The following ZNF577 variants were observed in gnomAD, a reference collection of about 807,000 sequenced individuals.
The protein encoded by ZNF577 is zinc finger protein 577.
In ZNF577, 14 loss-of-function variants were observed where a neutral mutation model predicts 13.9. The ratio of observed to expected loss-of-function variants is 1.00; its 90% CI spans 0.66 to 1.57. ZNF577 has a LOEUF of 1.57. Among genes scored for constraint, ZNF577 ranks in the 40% most tolerant of loss-of-function variants. The pLI is 0.00. For synonymous variants in ZNF577, 203 were observed against 202.9 expected (o/e 1.00, Z 0.00); for missense variants, 555 against 579.2 (o/e 0.96, Z 0.43).
chr19:51,846,964 T>C (rs1001693342), intron 5 of ZNF577, among the ~76,000 whole-genome samples: 1 of 152,232 alleles, frequency 6.6e-6, no homozygotes, highest in Non-Finnish European at 1.5e-5. Flanking sequence ...TCAAATGCAC[T>C]ACCTCACTCA....
Position 51,824,480 on chromosome 19 carries a change from T to C in ZNF577, c.*600-12806A>G. 1 of 1,614,078 alleles carries C rather than the reference T, an allele frequency of 6.2e-7. No homozygotes were observed. The highest frequency in any genetic ancestry group is 8.5e-7 in the Non-Finnish European group (1 of 1,180,010). On this transcript the variant is annotated intron_variant and NMD_transcript_variant, in intron 9 of 10. Transcript: ENST00000638827. The surrounding 1 kb of genome is among the most constrained non-coding windows in gnomAD (Gnocchi z 4.7). ...CCAGCCGTCCCTTACGTGTCTTCGC[T>C]GCTGTGGTGGCTTCTTTCTTCATCT...
intron 4 of ZNF577, 82 bp downstream of exon 4, chr19:51,878,307 C>CTA (rs2084799774): frequency 6.9e-7 from 1 of 1,439,144 alleles, no homozygotes; most frequent in African/African-American, 1.4e-5. Context: ...ATACTTTAGT[C>CTA]TAAACCATTA....
chr19:51,817,619 C>T (rs1490282050), intron 9 of ZNF577: 3 of 151,898 alleles, frequency 2.0e-5, no homozygotes, highest in African/African-American at 7.3e-5. Flanking sequence ...TTCTTTAGCC[C>T]TCCTCTCCCT....
intron 9 of ZNF577, among the ~76,000 whole-genome samples, chr19:51,812,237 G>C (rs958402989): frequency 1.3e-5 from 2 of 152,160 alleles, no homozygotes; most frequent in African/African-American, 2.4e-5. Context: ...ATGGCCCAAC[G>C]TAGGGTGAAA....
intron 9 of ZNF577, among the ~76,000 whole-genome samples, chr19:51,812,809 G>A (rs1227530436): frequency 1.3e-5 from 2 of 152,150 alleles, no homozygotes; most frequent in African/African-American, 4.8e-5. Context: ...AATTTATTAT[G>A]CTGGATAATT....
intron 9 of ZNF577, among the ~76,000 whole-genome samples, chr19:51,828,710 A>C (rs781212323): frequency 2.6e-5 from 4 of 152,134 alleles, no homozygotes; most frequent in Non-Finnish European, 5.9e-5. Flanking sequence ...GTCCATGTGG[A>C]TGGCTCACTA....
chr19:51,810,904 C>T (rs2084092093), intron 10 of ZNF577, among the ~76,000 whole-genome samples: 1 of 152,166 alleles, frequency 6.6e-6, no homozygotes, highest in Non-Finnish European at 1.5e-5. Flanking sequence ...CCTAGGGGCT[C>T]TCCAGCTATG....
At chr19:51,839,999 G>A (rs17757075) in exon 9 of ZNF577, 1 of 152,148 alleles carries the variant, frequency 6.6e-6, no homozygotes, top group Non-Finnish European at 1.5e-5. Context: ...TAGCACCTTC[G>A]CGGAACACAA....
At chr19:51,879,263 A>G (rs1201302567) in intron 3 of ZNF577, among the ~76,000 whole-genome samples, 1 of 129,154 alleles carries the variant, frequency 7.7e-6, no homozygotes, top group Non-Finnish European at 1.6e-5. Context: ...TCTCAAGAGG[A>G]AAAAAAAAAA....
chr19:51,877,661 T>C (rs764395555), intron 4 of ZNF577: 10 of 274,976 alleles, frequency 3.6e-5, no homozygotes, highest in Non-Finnish European at 5.5e-5. Context: ...CTGTGTACTC[T>C]TGGTGGGAAT....
At chr19:51,835,140 T>C (rs1040545182) in intron 9 of ZNF577, among the ~76,000 whole-genome samples, 1 of 151,914 alleles carries the variant, frequency 6.6e-6, no homozygotes, top group African/African-American at 2.4e-5. Context: ...TGTTAAGATA[T>C]CAATAAAATG....
chr19:51,826,929 C>G (rs1040020508), intron 9 of ZNF577, among the ~76,000 whole-genome samples: 2 of 152,094 alleles, frequency 1.3e-5, no homozygotes, highest in African/African-American at 4.8e-5. Context: ...TGCTAGAATG[C>G]AAGTCTGAAA....
At chr19:51,876,530 T>A (rs1322880383) in intron 5 of ZNF577, among the ~76,000 whole-genome samples, 1 of 150,136 alleles carries the variant, frequency 6.7e-6, no homozygotes, top group African/African-American at 2.5e-5. Flanking sequence ...AGAGACATGG[T>A]GTGGAGGCAT....
rs1302052345 is a variant in ZNF577, at chr19:51,867,713, A to G, written c.*4819T>C. 6.6e-6 allele frequency among the ~76,000 whole-genome samples: 1 copy of G among 152,118 alleles called. No individual in the cohort carries two copies. Among genetic ancestry groups the G allele is most frequent in the Non-Finnish European group, 1.5e-5 (1 of 68,010 alleles). ...GGCAGGACAATCACTTGAAACCGGA[A>G]GGTGGAGGTTGCAGTGACCCACGAT... On this transcript the variant is annotated 3_prime_UTR_variant, in exon 6 of 6. Transcript: ENST00000638348.
At chr19:51,865,136 A>T (rs564213025), downstream of ZNF577, among the ~76,000 whole-genome samples, 19 of 152,108 alleles carry the variant, frequency 1.2e-4, no homozygotes, top group Non-Finnish European at 2.4e-4. Flanking sequence ...CGCTCTTGTC[A>T]CCCAGGCTGG....
chr19:51,878,432 G>C lies in ZNF577; in HGVS notation c.144C>G (p.Tyr48Ter). ...QFLDQSQKVL[Y>*]KEVMLENYIN... ...TGTAGTTCTCCAACATTACTTCCTTGTACAAGACCTTCTGAGACTGGTCCA... is the reference window on the plus strand; with the variant it reads ...TGTAGTTCTCCAACATTACTTCCTTCTACAAGACCTTCTGAGACTGGTCCA... The change falls in exon 4 of 6, where the codon TAC (tyrosine) becomes TAG (stop). Residue 48 changes from tyrosine to a stop codon, truncating the protein, a stop_gained. Transcript: ENST00000638348. LOFTEE classifies it high-confidence loss of function. The C allele has an allele frequency of 6.2e-7, 1 of 1,614,046 alleles. No individual in the cohort carries two copies. The highest frequency in any genetic ancestry group is 8.5e-7 in the Non-Finnish European group (1 of 1,179,966).
intron 9 of ZNF577, among the ~76,000 whole-genome samples, chr19:51,827,413 T>G (rs1467017591): frequency 6.6e-6 from 1 of 152,214 alleles, no homozygotes; most frequent in African/African-American, 2.4e-5. Context: ...TTTCAAGTAA[T>G]GAGAATGTAA....
downstream of ZNF577, among the ~76,000 whole-genome samples, chr19:51,863,494 CTCT>C (rs1410240492): frequency 2.0e-5 from 3 of 152,126 alleles, no homozygotes; most frequent in African/African-American, 7.2e-5. Context: ...CAAAAGAATG[CTCT>C]TCTTCCTATG....
At chr19:51,859,779 T>G (rs2084477202) in intron 5 of ZNF577, among the ~76,000 whole-genome samples, 1 of 152,108 alleles carries the variant, frequency 6.6e-6, no homozygotes, top group African/African-American at 2.4e-5. Context: ...AACATTTTAT[T>G]TGCACTACAT....
Sources: allele counts gnomAD v4.1 joint callset (sites outside exome capture counted in the v4.1 genomes callset), GRCh38; gene constraint gnomAD v4.1.1; non-coding constraint Gnocchi (gnomAD v3.1); transcripts MANE v1.5; gene names NCBI Gene and HGNC (gene_info 2026-07-23, HGNC 2026-07-21).